The following SEC16B variants were observed in gnomAD, a reference collection of about 807,000 sequenced individuals.
The protein encoded by SEC16B is protein transport protein Sec16B.
Under a neutral mutation model 141.8 loss-of-function variants are expected in SEC16B, and 115 were observed. The ratio of observed to expected loss-of-function variants is 0.81; its 90% CI spans 0.70 to 0.95. The LOEUF is 0.95. Among genes scored for constraint, SEC16B ranks in the 40% least tolerant of loss-of-function variants. SEC16B has a pLI of 0.00. For synonymous variants in SEC16B, 493 were observed against 492.5 expected, an observed-to-expected ratio of 1.00 and a Z score of -0.01; for missense variants, 1,291 against 1,312.3, an observed-to-expected ratio of 0.98 and a Z score of 0.25.
intron 6 of SEC16B, 179 bp downstream of exon 6, chr1:177,961,411 A>G (rs1008208432): frequency 3.3e-6 from 2 of 606,808 alleles, no homozygotes; most frequent in Non-Finnish European, 5.5e-6. Flanking sequence ...CTATGATGCA[A>G]TTACTATTAC....
At chr1:177,983,202 G>A (rs1654492305) in intron 1 of SEC16B, among the ~76,000 whole-genome samples, 1 of 152,158 alleles carries the variant, frequency 6.6e-6, no homozygotes. Context: ...CCATCCCAAT[G>A]CATTCATTTT....
At chr1:177,954,589 A>T (rs1571333137) in intron 10 of SEC16B, among the ~76,000 whole-genome samples, 1 of 152,186 alleles carries the variant, frequency 6.6e-6, no homozygotes, top group African/African-American at 2.4e-5. Flanking sequence ...CACTTTATCA[A>T]AATCCACTGT....
intron 21 of SEC16B, 35 bp from the exon 22 acceptor site, chr1:177,933,347 G>A (rs3813648): frequency 0.25 from 387,914 of 1,567,038 alleles, 48,720 homozygotes; most frequent in African/African-American, 0.28. Context: ...TGACCTGCAG[G>A]TTGGCTTCTT....
rs59988344 is a variant in SEC16B at position 177,953,003 on chromosome 1, ATT to A, written c.1464-1010_1464-1009del. ...GGACTGAACTTAACATGGAAGTGTC[ATT>A]TTTTTTTTTTTTTTTTTGAGACCGA... On this transcript the variant is annotated intron_variant, in intron 11 of 25. Coordinates refer to ENST00000308284, the MANE Select transcript of SEC16B (RefSeq NM_033127.4). Among the ~76,000 whole-genome samples the A allele has an allele frequency of 2.0e-3, 253 of 127,922 alleles. 1 individual carries two copies. Among genetic ancestry groups the A allele is most frequent in the African/African-American group, 4.4e-3 (148 of 33,966 alleles). 83.9% of individuals were successfully genotyped at this position (127,922 alleles called of 152,430 possible).
chr1:177,961,440 T>C (rs1447365515), intron 6 of SEC16B, 150 bp downstream of exon 6: 2 of 731,338 alleles, frequency 2.7e-6, no homozygotes, highest in East Asian at 2.9e-5. Flanking sequence ...AGAGAGAAAA[T>C]GGAACCAAAG....
chr1:177,946,771 T>C (rs1041475367), intron 13 of SEC16B, among the ~76,000 whole-genome samples: 7 of 152,166 alleles, frequency 4.6e-5, no homozygotes, highest in African/African-American at 1.4e-4. Flanking sequence ...AAGGCACAAT[T>C]TCACGTTCTC....
intron 11 of SEC16B, 62 bp downstream of exon 11, chr1:177,954,217 C>T: frequency 1.6e-6 from 2 of 1,255,054 alleles, no homozygotes; most frequent in African/African-American, 1.5e-5. Flanking sequence ...CACCCTCATC[C>T]TCCACCTTTG....
At chr1:177,950,533 C>A (rs146248848) in intron 12 of SEC16B, among the ~76,000 whole-genome samples, 46 of 152,096 alleles carry the variant, frequency 3.0e-4, no homozygotes, top group African/African-American at 1.1e-3. Context: ...TACAAATACA[C>A]CCTAAGACAG....
intron 2 of SEC16B, among the ~76,000 whole-genome samples, chr1:177,967,254 C>G (rs927939111): frequency 6.6e-6 from 1 of 152,150 alleles, no homozygotes; most frequent in African/African-American, 2.4e-5. Flanking sequence ...CTGGTAGTGT[C>G]ATGCTAATCC....
chr1:177,945,125 G>C lies in SEC16B; in HGVS notation c.1776-459C>G, dbSNP rs1251657152. On this transcript the variant is annotated intron_variant, in intron 14 of 25. Coordinates refer to ENST00000308284, the MANE Select transcript of SEC16B (RefSeq NM_033127.4). The stretch of plus-strand genomic sequence containing the variant: ...CCATGTAACACTCCGGGAGCACTGA[G>C]ACCAAAAGGCATGGCAGAGCAGGTG... 2.0e-5 allele frequency among the ~76,000 whole-genome samples: 3 copies of C among 152,220 alleles called. No homozygotes were observed. In the South Asian group the frequency reaches 6.2e-4, roughly 31 times the overall value.
chr1:177,942,202 G>C (rs2101922261), intron 15 of SEC16B, among the ~76,000 whole-genome samples, 162 bp from the exon 16 acceptor site: 1 of 152,318 alleles, frequency 6.6e-6, no homozygotes, highest in South Asian at 2.1e-4. Context: ...CTATGCACGG[G>C]CACAACTCCA....
At chr1:177,960,148 T>G (rs982594473) in intron 8 of SEC16B, 194 bp downstream of exon 8, 2 of 575,272 alleles carry the variant, frequency 3.5e-6, no homozygotes, top group Non-Finnish European at 3.2e-6. Context: ...TTTCTGTCCT[T>G]CAACTATTGA....
chr1:177,949,348 C>T (rs1237754402), intron 12 of SEC16B, among the ~76,000 whole-genome samples: 1 of 148,968 alleles, frequency 6.7e-6, no homozygotes, highest in Non-Finnish European at 1.5e-5. Context: ...GCTGGATCTA[C>T]AGAAACCAGC....
rs1391154045 is a variant in SEC16B, at chr1:177,941,958, G to A, written c.1964C>T (p.Ala655Val). The A allele has an allele frequency of 5.0e-6, 8 of 1,613,896 alleles. No individual in the cohort carries two copies. Among genetic ancestry groups the A allele is most frequent in the African/African-American group, 4.0e-5 (3 of 74,928 alleles). The stretch of plus-strand genomic sequence containing the variant: ...GCTCTCTCCCTGGCTCAAGACAGCT[G>A]CACCAATGGCTTCGCAGTAATGCAA... The part of the protein sequence containing the change: ...QALHYCEAIG[A>V]AVLSQGESSH... Residue 655 changes from alanine to valine, a missense_variant, in exon 16 of 26, where the codon GCA (alanine) becomes GTA (valine). Coordinates refer to ENST00000308284, the MANE Select transcript of SEC16B (RefSeq NM_033127.4).
intron 11 of SEC16B, among the ~76,000 whole-genome samples, chr1:177,953,051 G>T (rs1319262668): frequency 6.8e-6 from 1 of 147,132 alleles, no homozygotes; most frequent in African/African-American, 2.5e-5. Context: ...TGTCACCCAG[G>T]CTGGAGTGCA....
At position 177,964,205 on chromosome 1, in the gene SEC16B, G is replaced by A; in HGVS notation, c.608C>T (p.Pro203Leu). 1 of 1,613,600 alleles carries A rather than the reference G, an allele frequency of 6.2e-7. No individual in the cohort carries two copies. Among genetic ancestry groups the A allele is most frequent in the Non-Finnish European group, 8.5e-7 (1 of 1,179,690 alleles). Residue 203 changes from proline to leucine, a missense_variant, in exon 5 of 26, where the codon CCA (proline) becomes CTA (leucine). Around this residue, in one of 3 missense-constraint regions of SEC16B, gnomAD observed 681 missense variants for 675.5 expected, o/e 1.01. Transcript: ENST00000308284. ...CTGGGCCTCAGCAAGCAGGCTCCCT[G>A]GAAACAGCTCCCCCGGCCACTCCTG... The part of the protein sequence containing the change: ...SGQEWPGELF[P>L]GSLLAEAQKN...
intron 4 of SEC16B, 34 bp from the exon 5 acceptor site, chr1:177,964,313 C>T (rs1009094330): frequency 3.8e-5 from 57 of 1,514,792 alleles, no homozygotes; most frequent in Non-Finnish European, 5.1e-5. Context: ...TGAGCGGGGT[C>T]CTGGGCAAGC....
At chr1:177,935,476 T>A (rs1650765708) in intron 20 of SEC16B, among the ~76,000 whole-genome samples, 1 of 152,176 alleles carries the variant, frequency 6.6e-6, no homozygotes, top group African/African-American at 2.4e-5. Flanking sequence ...CTTAGCCATT[T>A]AAAAACATGT....
In SEC16B at chr1:177,954,951, G is replaced by C. The variant is rs189577649; in HGVS notation, c.1366-575C>G. ...TTAAATGTAAAAATGAATCACAAAA[G>C]TACTTCAACTTCATTTTTATAAATT... On this transcript the variant is annotated intron_variant, in intron 10 of 25. Transcript: ENST00000308284. Among the ~76,000 whole-genome samples, 7 of 151,936 alleles carry C rather than the reference G, an allele frequency of 4.6e-5. No homozygotes were observed. In the East Asian group the frequency reaches 1.4e-3, roughly 29 times the overall value.
Sources: gnomAD v4.1 joint callset for allele counts (sites outside exome capture counted in the v4.1 genomes callset) on GRCh38, gnomAD v4.1.1 for gene constraint, gnomAD v4.1.1 regional missense constraint, MANE v1.5 for transcripts, NCBI Gene and HGNC (gene_info 2026-07-23, HGNC 2026-07-21) for gene names.